KRT82: variants seen among roughly 807,000 people sequenced by gnomAD.
KRT82 encodes the protein keratin 82, also known as keratin, type II cuticular Hb2.
In KRT82, 44 loss-of-function variants were observed where a neutral mutation model predicts 48.0. The observed-to-expected ratio is 0.92, with a 90% CI of 0.72 to 1.18. KRT82 has a LOEUF of 1.18. KRT82 is among the 50% of genes most tolerant of loss of function. The probability of loss-of-function intolerance (pLI) is 0.00; values close to 1 mark genes in which losing one functional copy is unlikely to be tolerated. For synonymous variants in KRT82, 297 were observed against 278.3 expected (o/e 1.07, Z -0.67); for missense variants, 701 against 671.4 (o/e 1.04, Z -0.49).
chr12:52,396,560 A>T (rs1426965681), intron 6 of KRT82, among the ~76,000 whole-genome samples: 1 of 152,172 alleles, frequency 6.6e-6, no homozygotes, highest in African/African-American at 2.4e-5. Context: ...GAATTTCAGG[A>T]TCATAGAATC....
intron 7 of KRT82, 26 bp from the exon 8 acceptor site, chr12:52,395,816 A>C: frequency 6.6e-7 from 1 of 1,520,012 alleles, no homozygotes; most frequent in East Asian, 2.3e-5. Context: ...AAAAGAAAAC[A>C]GGTATCTACA....
chr12:52,400,181 G>A, intron 4 of KRT82, 32 bp from the exon 5 acceptor site: 1 of 1,597,102 alleles, frequency 6.3e-7, no homozygotes, highest in Non-Finnish European at 8.6e-7. Flanking sequence ...GAAGGAGTGA[G>A]CTCTCTGAGC....
intron 2 of KRT82, among the ~76,000 whole-genome samples, chr12:52,403,348 G>A (rs1401023622): frequency 2.6e-5 from 4 of 152,198 alleles, no homozygotes; most frequent in Non-Finnish European, 5.9e-5. Context: ...AAGAGGCCTG[G>A]GGATCTGTCT....
At position 52,405,919 on chromosome 12, in the gene KRT82, T is replaced by A; in HGVS notation, c.359A>T (p.Glu120Val). The change falls in exon 1 of 9, where the codon GAG (glutamate) becomes GTG (valine). Residue 120 changes from glutamate (E) to valine (V), a missense_variant. Physicochemically the swap from Glu to Val is moderately radical, Grantham distance 121. Transcript: ENST00000257974. ...GTTGAGGCACTTGATCTGCTCCTTC[T>A]CATCCCTCTTTACCCTCTGCACAGT... Reference protein sequence around the residue: ...DPTVQRVKRDEKEQIKCLNNR... With the variant: ...DPTVQRVKRDVKEQIKCLNNR... The A allele has an allele frequency of 6.2e-7, 1 of 1,613,988 alleles. No homozygotes were observed. Among genetic ancestry groups the A allele is most frequent in the East Asian group, 2.2e-5 (1 of 44,896 alleles).
intron 5 of KRT82, among the ~76,000 whole-genome samples, chr12:52,397,916 G>T (rs932035160): frequency 3.9e-5 from 6 of 152,124 alleles, no homozygotes; most frequent in African/African-American, 1.4e-4. Context: ...GTATGGTGGT[G>T]CATGCTTATA....
Position 52,396,055 on chromosome 12 carries a change from C to T in KRT82, c.1246G>A (p.Glu416Lys), listed in dbSNP as rs138955015. The T allele has an allele frequency of 1.1e-5, 18 of 1,614,152 alleles. No homozygotes were observed. The highest frequency in any genetic ancestry group is 2.2e-5 in the East Asian group (1 of 44,862). ...VMNSKLGLDIEIATYRRLLEG... is the reference protein window; with the variant it reads ...VMNSKLGLDIKIATYRRLLEG... ...AGCAGGCGCCTGTAGGTGGCGATCT[C>T]GATGTCCAGGCCCAGCTTGGAGTTC... is the stretch of plus-strand genomic sequence containing the variant. The change falls in exon 7 of 9, where the codon GAG (glutamate) becomes AAG (lysine). Residue 416 changes from glutamate to lysine, a missense_variant. Glu to Lys is a moderately conservative substitution (Grantham distance 56). Coordinates refer to ENST00000257974, the MANE Select transcript of KRT82 (RefSeq NM_033033.4).
intron 4 of KRT82, 101 bp from the exon 5 acceptor site, chr12:52,400,250 A>C: frequency 4.0e-5 from 47 of 1,180,638 alleles, no homozygotes; most frequent in Non-Finnish European, 5.2e-5. Context: ...GAGTGCATAG[A>C]ACTCTGCTAT....
chr12:52,400,715 C>T (rs142165159), intron 3 of KRT82, 93 bp from the exon 4 acceptor site: 17 of 862,240 alleles, frequency 2.0e-5, no homozygotes, highest in Non-Finnish European at 2.5e-5. Context: ...CCTTTCCTCA[C>T]GAACACCCAT....
chr12:52,398,421 C>G (rs1035846630), intron 5 of KRT82, among the ~76,000 whole-genome samples: 2 of 151,714 alleles, frequency 1.3e-5, no homozygotes, highest in African/African-American at 2.4e-5. Context: ...TCTGTGTCAT[C>G]CTGGGCAGTC....
At chr12:52,403,080 C>T (rs1939810173) in intron 2 of KRT82, among the ~76,000 whole-genome samples, 1 of 152,168 alleles carries the variant, frequency 6.6e-6, no homozygotes, top group African/African-American at 2.4e-5. Context: ...CCACCTACTC[C>T]AAGCTGTGAA....
chr12:52,400,408 C>T, intron 4 of KRT82, 119 bp downstream of exon 4: 1 of 802,864 alleles, frequency 1.2e-6, no homozygotes, highest in Non-Finnish European at 2.1e-6. Context: ...AACGTCTCTA[C>T]AGTGCGGACC....
At chr12:52,397,399 C>T (rs973153546) in intron 5 of KRT82, among the ~76,000 whole-genome samples, 7 of 152,298 alleles carry the variant, frequency 4.6e-5, no homozygotes, top group African/African-American at 1.7e-4. Flanking sequence ...GCCTAACAGA[C>T]CAAGGACTGC....
chr12:52,403,654 T>A (rs375285121), intron 2 of KRT82, 47 bp downstream of exon 2: 1 of 1,193,084 alleles, frequency 8.4e-7, no homozygotes, highest in Non-Finnish European at 1.2e-6. Flanking sequence ...ACTGTTTCTG[T>A]CCCTTGCCCC....
chr12:52,397,221 G>T (rs1362104275), intron 5 of KRT82, among the ~76,000 whole-genome samples: 2 of 152,176 alleles, frequency 1.3e-5, no homozygotes, highest in African/African-American at 4.8e-5. Flanking sequence ...CCCATCCCCA[G>T]CTCCAGGCTT....
Position 52,400,134 on chromosome 12 carries a change from G to A in KRT82, c.793C>T (p.Gln265Ter). The change falls in exon 5 of 9, where the codon CAG becomes TAG. Residue 265 changes from glutamine to a stop codon, truncating the protein, a stop_gained. Coordinates refer to ENST00000257974, the MANE Select transcript of KRT82 (RefSeq NM_033033.4). LOFTEE classifies it high-confidence loss of function. ...ACCGAGGTCTCAGAGATCTGAGACTGGAGCAGGCAGATCTCCTGGGGGCAG... is the reference window on the plus strand; with the variant it reads ...ACCGAGGTCTCAGAGATCTGAGACTAGAGCAGGCAGATCTCCTGGGGGCAG... Reference protein sequence around the residue: ...SLYEEEICLLQSQISETSVIV... With the variant: ...SLYEEEICLL 2 of 1,613,586 alleles carry A rather than the reference G, an allele frequency of 1.2e-6. No individual in the cohort carries two copies. Among genetic ancestry groups the A allele is most frequent in the African/African-American group, 1.3e-5 (1 of 75,050 alleles).
chr12:52,400,450 T>C (rs1592153948), intron 4 of KRT82, 77 bp downstream of exon 4: 1 of 1,083,710 alleles, frequency 9.2e-7, no homozygotes, highest in South Asian at 1.3e-5. Flanking sequence ...ATGTACCCAC[T>C]GGGCGGCCAC....
intron 6 of KRT82, 92 bp from the exon 7 acceptor site, chr12:52,396,324 T>C: frequency 8.3e-7 from 1 of 1,210,148 alleles, no homozygotes; most frequent in Middle Eastern, 2.2e-4. Context: ...GGTGGCTACG[T>C]GCCAGGCTCA....
rs549609723 is a variant in KRT82 at position 52,394,784 on chromosome 12, G to A, written c.*191C>T. ...GCTGAGGGTCTGCACACAGGTGAGT[G>A]GAAGGTGACTCATGAGGCAAAGGAG... On this transcript the variant is annotated 3_prime_UTR_variant, in exon 9 of 9. Coordinates refer to ENST00000257974, the MANE Select transcript of KRT82 (RefSeq NM_033033.4). The A allele has an allele frequency of 3.8e-5, 23 of 609,596 alleles. No individual in the cohort carries two copies. The African/African-American group carries it at 3.9e-4, about 10-fold the overall frequency. The allele number at this position is 609,596 out of a possible 1,614,324, so 37.8% of individuals were successfully genotyped here.
At chr12:52,405,817 C>T (rs748766102) in intron 1 of KRT82, 50 bp downstream of exon 1, 1 of 1,549,326 alleles carries the variant, frequency 6.5e-7, no homozygotes, top group Non-Finnish European at 8.7e-7. Flanking sequence ...AAGACCAGAC[C>T]CCAGATCTGC....
Sources: gnomAD v4.1 joint callset for allele counts (sites outside exome capture counted in the v4.1 genomes callset) on GRCh38, gnomAD v4.1.1 for gene constraint, MANE v1.5 for transcripts, NCBI Gene and HGNC (gene_info 2026-07-23, HGNC 2026-07-21) for gene names.